The following L3MBTL3 variants were observed in gnomAD, a reference collection of about 807,000 sequenced individuals.
The protein encoded by L3MBTL3 is lethal(3)malignant brain tumor-like protein 3.
A neutral mutation model predicts 102.3 loss-of-function variants in L3MBTL3; 27 were observed. That is an observed-to-expected ratio of 0.26 (90% CI 0.19 to 0.36). L3MBTL3 has a LOEUF of 0.36. Among genes scored for constraint, L3MBTL3 ranks in the 10% least tolerant of loss-of-function variants. The pLI, the probability that L3MBTL3 is intolerant of heterozygous loss-of-function variation, is 1.00. For missense variants in L3MBTL3, 798 were observed against 955.3 expected, an observed-to-expected ratio of 0.84 and a Z score of 2.17; for synonymous variants, 340 against 320.9, an observed-to-expected ratio of 1.06 and a Z score of -0.64.
At chr6:130,082,195 T>C (rs1444639991) in intron 14 of L3MBTL3, among the ~76,000 whole-genome samples, 4 of 152,226 alleles carry the variant, frequency 2.6e-5, no homozygotes, top group Admixed American at 1.3e-4. Context: ...CTGTAACTAA[T>C]AAGTATTTTC....
At chr6:130,083,597 G>T in intron 14 of L3MBTL3, 23 bp from the exon 15 acceptor site, 1 of 1,173,734 alleles carries the variant, frequency 8.5e-7, no homozygotes, top group African/African-American at 1.6e-5. Flanking sequence ...AAACCTCATA[G>T]GATTTACATT....
intron 19 of L3MBTL3, among the ~76,000 whole-genome samples, chr6:130,117,094 G>A (rs1785751430): frequency 7.4e-6 from 1 of 135,974 alleles, no homozygotes; most frequent in South Asian, 2.6e-4. Context: ...CTAGCATTAG[G>A]TATATCTCCC....
chr6:130,096,946 A>G (rs1322377722), intron 18 of L3MBTL3, among the ~76,000 whole-genome samples: 3 of 152,206 alleles, frequency 2.0e-5, no homozygotes, highest in Non-Finnish European at 4.4e-5. Context: ...TATCACATAT[A>G]GAGAGCATAA....
intron 5 of L3MBTL3, 29 bp downstream of exon 5, chr6:130,049,859 C>A: frequency 6.3e-7 from 1 of 1,590,884 alleles, no homozygotes; most frequent in Middle Eastern, 1.7e-4. Flanking sequence ...GTCTGAAATG[C>A]AATTCATTTT....
intron 10 of L3MBTL3, among the ~76,000 whole-genome samples, chr6:130,065,669 C>G (rs533002066): frequency 6.6e-6 from 1 of 152,284 alleles, no homozygotes; most frequent in East Asian, 1.9e-4. Flanking sequence ...GGGAAGAAGT[C>G]TCAGGGGCTG....
At chr6:130,036,743 A>G (rs774089499) in intron 2 of L3MBTL3, among the ~76,000 whole-genome samples, 15 of 152,238 alleles carry the variant, frequency 9.9e-5, no homozygotes, top group Admixed American at 3.3e-4. Context: ...AAGGTACTTT[A>G]TCAGATACAT....
chr6:130,120,825 C>T, intron 19 of L3MBTL3, 54 bp from the exon 20 acceptor site: 1 of 1,350,576 alleles, frequency 7.4e-7, no homozygotes. Flanking sequence ...TAGTTCTGAA[C>T]CATTTTTTTA....
At chr6:130,104,385 G>A in intron 18 of L3MBTL3, 41 bp from the exon 19 acceptor site, 2 of 1,428,384 alleles carry the variant, frequency 1.4e-6, no homozygotes, top group African/African-American at 2.9e-5. Flanking sequence ...TAATGGAAAT[G>A]TTCAATGTTC....
Position 130,091,063 on chromosome 6 carries a change from G to A in L3MBTL3, c.1519-1682G>A, listed in dbSNP as rs144164542. Among the ~76,000 whole-genome samples, 648 of 152,126 alleles carry A rather than the reference G, an allele frequency of 4.3e-3. 5 individuals are homozygous for A. Among genetic ancestry groups the A allele is most frequent in the Admixed American group, 0.02 (302 of 15,270 alleles). ...ACACAGGTGTTGCAAATGTATTTTG[G>A]GGGGTTTCTTGTAGGTCTTTCATTT... On this transcript the variant is annotated intron_variant, in intron 16 of 22. Transcript: ENST00000361794.
At chr6:130,130,484 T>C (rs1259233813) in intron 20 of L3MBTL3, among the ~76,000 whole-genome samples, 3 of 152,202 alleles carry the variant, frequency 2.0e-5, no homozygotes, top group Non-Finnish European at 4.4e-5. Context: ...TTATAAAATA[T>C]GTACAAATAT....
chr6:130,084,314 AT>A (rs1396649965), intron 15 of L3MBTL3, among the ~76,000 whole-genome samples: 3 of 152,144 alleles, frequency 2.0e-5, no homozygotes, highest in Non-Finnish European at 4.4e-5. Context: ...TTGCTTTATG[AT>A]TTAGATTTCT....
chr6:130,068,502 AG>A, intron 12 of L3MBTL3, 81 bp downstream of exon 12: 1 of 713,506 alleles, frequency 1.4e-6, no homozygotes, highest in South Asian at 1.7e-5. Flanking sequence ...AGTGATAACA[AG>A]GAACTATAAT....
At chr6:130,108,231 G>T (rs12196675) in intron 19 of L3MBTL3, among the ~76,000 whole-genome samples, 24,336 of 91,304 alleles carry the variant, frequency 0.27, 3,769 homozygotes, top group Non-Finnish European at 0.38. Context: ...TTTTTTTTTT[G>T]TTTTTTTTTT....
rs372969906 is a variant in L3MBTL3 at position 130,070,952 on chromosome 6, A to T, written c.1093-24A>T. 8.1e-6 allele frequency: 13 copies of T among 1,607,170 alleles called. No individual in the cohort carries two copies. In the African/African-American group the frequency reaches 1.5e-4, roughly 18 times the overall value. ...GGTTGTCAAGTGTGTGCTTATCTCT[A>T]ATTAAATCTGTGTGTTTCCATAGAC... On this transcript the variant is annotated intron_variant, in intron 12 of 22. Transcript: ENST00000361794.
At chr6:130,058,812 G>T (rs894394470) in intron 9 of L3MBTL3, among the ~76,000 whole-genome samples, 12 of 152,218 alleles carry the variant, frequency 7.9e-5, no homozygotes, top group South Asian at 2.1e-4. Flanking sequence ...TTGACCCGCA[G>T]ACTGGAGTTT....
intron 16 of L3MBTL3, among the ~76,000 whole-genome samples, chr6:130,086,723 T>G (rs923900310): frequency 6.6e-6 from 1 of 152,156 alleles, no homozygotes; most frequent in African/African-American, 2.4e-5. Context: ...TCTTAAAAAG[T>G]AAGCAAATGT....
At chr6:130,075,581 G>C (rs1299634747) in intron 13 of L3MBTL3, among the ~76,000 whole-genome samples, 1 of 152,188 alleles carries the variant, frequency 6.6e-6, no homozygotes, top group Non-Finnish European at 1.5e-5. Flanking sequence ...ATTTGCAAAA[G>C]GTTGAAGAGT....
chr6:130,115,519 A>G (rs79506961), intron 19 of L3MBTL3, among the ~76,000 whole-genome samples: 3,430 of 152,316 alleles, frequency 0.023, 119 homozygotes, highest in African/African-American at 0.078. Context: ...TTTTTATATG[A>G]CAAACAGACT....
intron 2 of L3MBTL3, among the ~76,000 whole-genome samples, chr6:130,040,853 G>A (rs147169668): frequency 1.3e-5 from 2 of 152,166 alleles, no homozygotes; most frequent in African/African-American, 4.8e-5. Context: ...CAGATATCAA[G>A]ACTTAATAAC....
Sources: gnomAD v4.1 joint callset for allele counts (sites outside exome capture counted in the v4.1 genomes callset) on GRCh38, gnomAD v4.1.1 for gene constraint, MANE v1.5 for transcripts, NCBI Gene and HGNC (gene_info 2026-07-23, HGNC 2026-07-21) for gene names.